LTBP1: variants seen among roughly 807,000 people sequenced by gnomAD.
LTBP1 encodes latent-transforming growth factor beta-binding protein 1.
In LTBP1, 129 loss-of-function variants were observed where a neutral mutation model predicts 207.6. That is an observed-to-expected ratio of 0.62 (90% CI 0.54 to 0.72). LTBP1 has a LOEUF of 0.72. LTBP1 is among the 30% of genes least tolerant of loss of function. The pLI is 0.00. For missense variants in LTBP1, 2,281 were observed against 2,217.2 expected (o/e 1.03, Z -0.58); for synonymous variants, 963 against 833.7 (o/e 1.16, Z -2.67).
chr2:33,332,725 G>GT (rs2094511113), intron 24 of LTBP1, among the ~76,000 whole-genome samples: 2 of 151,986 alleles, frequency 1.3e-5, no homozygotes, highest in South Asian at 2.1e-4. Flanking sequence ...CCCAGCTAAC[G>GT]TTTTTTGTAT....
intron 31 of LTBP1, among the ~76,000 whole-genome samples, chr2:33,386,156 G>A (rs1163466767): frequency 6.6e-6 from 1 of 152,152 alleles, no homozygotes; most frequent in Non-Finnish European, 1.5e-5. Flanking sequence ...CTTTGGGTAC[G>A]TGCTTTTAAA....
intron 24 of LTBP1, among the ~76,000 whole-genome samples, chr2:33,341,532 A>T (rs2094620510): frequency 6.6e-6 from 1 of 151,666 alleles, no homozygotes; most frequent in Admixed American, 6.6e-5. Context: ...TAACATGGTG[A>T]AACACCGTCT....
At chr2:33,368,137 G>T (rs1489681506) in intron 31 of LTBP1, among the ~76,000 whole-genome samples, 1 of 152,070 alleles carries the variant, frequency 6.6e-6, no homozygotes, top group Non-Finnish European at 1.5e-5. Flanking sequence ...AACCTGGGAG[G>T]TGGAGGTTGC....
chr2:33,200,020 G>A (rs2149062175), intron 7 of LTBP1, among the ~76,000 whole-genome samples: 1 of 152,224 alleles, frequency 6.6e-6, no homozygotes, highest in Non-Finnish European at 1.5e-5. Context: ...TGGGTAGGAA[G>A]AATCAATATC....
chr2:33,332,847 G>A (rs2094512675), intron 24 of LTBP1: 2 of 152,254 alleles, frequency 1.3e-5, no homozygotes, highest in African/African-American at 4.8e-5. Flanking sequence ...AGAACTTGGT[G>A]CACTCAAGGG....
At chr2:33,068,252 T>C (rs1455199361) in intron 3 of LTBP1, among the ~76,000 whole-genome samples, 2 of 152,158 alleles carry the variant, frequency 1.3e-5, no homozygotes, top group Non-Finnish European at 2.9e-5. Flanking sequence ...AGTAGTTGCA[T>C]GTTTAGTTTT....
intron 2 of LTBP1, among the ~76,000 whole-genome samples, chr2:33,013,978 G>T (rs2149130769): frequency 6.6e-6 from 1 of 152,236 alleles, no homozygotes; most frequent in African/African-American, 2.4e-5. Context: ...TGGTGAAGTT[G>T]TTACTCGTAA....
intron 3 of LTBP1, among the ~76,000 whole-genome samples, chr2:33,049,343 T>A (rs2149485788): frequency 6.6e-6 from 1 of 152,364 alleles, no homozygotes; most frequent in Admixed American, 6.5e-5. Context: ...CAAAAAGCTT[T>A]TGAGTAGTTA....
intron 2 of LTBP1, among the ~76,000 whole-genome samples, chr2:32,977,718 C>A (rs1682037882): frequency 6.6e-6 from 1 of 152,136 alleles, no homozygotes; most frequent in Non-Finnish European, 1.5e-5. Context: ...TCTCACTCAC[C>A]ACTCCCTTGT....
intron 2 of LTBP1, among the ~76,000 whole-genome samples, chr2:33,015,793 C>T (rs940758894): frequency 6.6e-6 from 1 of 152,166 alleles, no homozygotes; most frequent in Admixed American, 6.5e-5. Flanking sequence ...AACTTCCAAT[C>T]ATGGCATGAG....
intron 3 of LTBP1, among the ~76,000 whole-genome samples, chr2:33,050,130 AT>A (rs11318613): frequency 0.25 from 36,275 of 144,444 alleles, 4,854 homozygotes; most frequent in Middle Eastern, 0.32. Context: ...AGGCGTAAGC[AT>A]TTTTTTTTTT....
chr2:33,371,420 T>C (rs964206688), intron 31 of LTBP1, among the ~76,000 whole-genome samples: 1 of 152,202 alleles, frequency 6.6e-6, no homozygotes, highest in African/African-American at 2.4e-5. Context: ...GTGGTCTTTA[T>C]TGTGATGTCA....
At chr2:32,976,277 C>T (rs1277417476) in intron 2 of LTBP1, among the ~76,000 whole-genome samples, 1 of 152,156 alleles carries the variant, frequency 6.6e-6, no homozygotes, top group Non-Finnish European at 1.5e-5. Flanking sequence ...CCACTGACCT[C>T]AGTACTCTGA....
chr2:33,097,380 A>G (rs1371815211), intron 3 of LTBP1, among the ~76,000 whole-genome samples: 2 of 152,138 alleles, frequency 1.3e-5, no homozygotes, highest in Non-Finnish European at 1.5e-5. Context: ...GTATCCCAGC[A>G]TTGTATTTTG....
chr2:33,149,076 G>A (rs1034017921), intron 5 of LTBP1, among the ~76,000 whole-genome samples: 5 of 152,098 alleles, frequency 3.3e-5, no homozygotes, highest in South Asian at 2.1e-4. Flanking sequence ...TTAGCTGGGC[G>A]TGGTGGCAGG....
At chr2:33,308,284 A>G (rs766391804) in intron 22 of LTBP1, among the ~76,000 whole-genome samples, 1 of 152,222 alleles carries the variant, frequency 6.6e-6, no homozygotes, top group Non-Finnish European at 1.5e-5. Context: ...TCATTCTCAC[A>G]GTCAAAACTC....
At chr2:33,189,059 G>T (rs573450838) in intron 7 of LTBP1, among the ~76,000 whole-genome samples, 1 of 152,130 alleles carries the variant, frequency 6.6e-6, no homozygotes, top group Admixed American at 6.5e-5. Flanking sequence ...ATTTTCATGC[G>T]ATGACTGCAG....
At chr2:33,007,128 G>T (rs111515111) in intron 2 of LTBP1, among the ~76,000 whole-genome samples, 3 of 152,158 alleles carry the variant, frequency 2.0e-5, no homozygotes. Context: ...GCAGTGGCAC[G>T]ATCTTGGCTT....
chr2:33,208,084 A>G (rs1279032740), intron 7 of LTBP1, among the ~76,000 whole-genome samples: 1 of 152,270 alleles, frequency 6.6e-6, no homozygotes, highest in African/African-American at 2.4e-5. Flanking sequence ...AAATAGGATT[A>G]ACATTCCTCA....
Sources: gnomAD v4.1 joint callset for allele counts (sites outside exome capture counted in the v4.1 genomes callset) on GRCh38, gnomAD v4.1.1 for gene constraint, MANE v1.5 for transcripts, NCBI Gene and HGNC (gene_info 2026-07-23, HGNC 2026-07-21) for gene names.